MCOLN3: variants seen among roughly 807,000 people sequenced by gnomAD.
The protein encoded by MCOLN3 is mucolipin-3.
In MCOLN3, 62 loss-of-function variants were observed where a neutral mutation model predicts 69.4. The observed-to-expected ratio is 0.89, with a 90% CI of 0.73 to 1.10. The LOEUF is 1.10. Among genes scored for constraint, MCOLN3 ranks in the 50% least tolerant of loss-of-function variants. The pLI is 0.00. For synonymous variants in MCOLN3, 183 were observed against 217.0 expected, an observed-to-expected ratio of 0.84 and a Z score of 1.38; for missense variants, 564 against 656.4, an observed-to-expected ratio of 0.86 and a Z score of 1.54.
chr1:85,021,722 C>T (rs1332246518), intron 11 of MCOLN3, among the ~76,000 whole-genome samples: 1 of 144,480 alleles, frequency 6.9e-6, no homozygotes, highest in Non-Finnish European at 1.6e-5. Context: ...CTACAAGTTT[C>T]CCCCTATGCT....
At chr1:85,025,809 C>G (rs1026044927) in intron 9 of MCOLN3, 130 bp downstream of exon 9, 28 of 943,380 alleles carry the variant, frequency 3.0e-5, no homozygotes, top group Non-Finnish European at 4.1e-5. Context: ...TTACCATTAC[C>G]AATTTCAAGT....
Position 85,025,974 on chromosome 1 carries a change from T to C in MCOLN3, c.1060A>G (p.Ile354Val), listed in dbSNP as rs1381989563. ...MIIISDILTI[I>V]GSILKMEIQA... ...ATTTCCATTTTTAGAATTGATCCAATGATTGTCAATATGTCACTAATAATA... is the reference window on the plus strand; with the variant it reads ...ATTTCCATTTTTAGAATTGATCCAACGATTGTCAATATGTCACTAATAATA... The change falls in exon 9 of 13, where the codon ATT (isoleucine) becomes GTT (valine). Residue 354 changes from isoleucine to valine, a missense_variant. Transcript: ENST00000370589. The C allele has an allele frequency of 1.2e-5, 19 of 1,599,460 alleles. No individual in the cohort carries two copies. Among genetic ancestry groups the C allele is most frequent in the Non-Finnish European group, 1.6e-5 (19 of 1,172,728 alleles).
At chr1:85,046,726 T>C (rs1358660922) in intron 1 of MCOLN3, among the ~76,000 whole-genome samples, 1 of 152,300 alleles carries the variant, frequency 6.6e-6, no homozygotes, top group East Asian at 1.9e-4. Flanking sequence ...AAGAATAGCA[T>C]GGGGAAGGTT....
chr1:85,047,775 G>T (rs1354371554), intron 1 of MCOLN3, among the ~76,000 whole-genome samples: 1 of 152,176 alleles, frequency 6.6e-6, no homozygotes, highest in East Asian at 1.9e-4. Context: ...AAACAACAAG[G>T]GTTGACACTT....
In MCOLN3 at chr1:85,018,949, G is replaced by A; in HGVS notation, c.*174C>T. The A allele has an allele frequency of 7.3e-6, 4 of 548,502 alleles. No individual in the cohort carries two copies. The South Asian group carries it at 1.3e-4, about 18-fold the overall frequency. The allele number at this position is 548,502 out of a possible 1,614,324, so 34.0% of individuals were successfully genotyped here. A position where few individuals can be genotyped will look rare whatever the true frequency, so the allele number is the denominator to read the frequency against. On this transcript the variant is annotated 3_prime_UTR_variant, in exon 13 of 13. Transcript: ENST00000370589. ...TTAAAAACAATCCCAGCATAAAGTT[G>A]CAAAGACATTAAATATTGCTTTTAA...
intron 3 of MCOLN3, among the ~76,000 whole-genome samples, chr1:85,035,141 C>G (rs1182923068): frequency 1.3e-5 from 2 of 152,194 alleles, no homozygotes; most frequent in African/African-American, 4.8e-5. Flanking sequence ...GTATTTGATG[C>G]AGTTGAATGC....
intron 3 of MCOLN3, among the ~76,000 whole-genome samples, chr1:85,037,249 A>G (rs940667957): frequency 3.3e-5 from 5 of 152,228 alleles, no homozygotes; most frequent in African/African-American, 1.2e-4. Flanking sequence ...AATGCTGGAG[A>G]TACTCAGTTT....
At position 85,034,233 on chromosome 1, in the gene MCOLN3, C is replaced by CATTGTAT; in HGVS notation, c.408_414dup (p.Val139IlefsTer11). On this transcript the variant is annotated frameshift_variant, in exon 4 of 13. Transcript: ENST00000370589. LOFTEE classifies it high-confidence loss of function. The stretch of plus-strand genomic sequence containing the variant: ...TCATAAGCATGATTCCCAACGGAGA[C>CATTGTAT]ATTGTATAGCTGCAAGTACTTCAAC... 2 of 1,614,116 alleles carry CATTGTAT rather than the reference C, an allele frequency of 1.2e-6. No homozygotes were observed. The highest frequency in any genetic ancestry group is 1.7e-6 in the Non-Finnish European group (2 of 1,180,004).
chr1:85,027,397 A>G (rs767411675), intron 7 of MCOLN3, among the ~76,000 whole-genome samples: 5 of 152,234 alleles, frequency 3.3e-5, no homozygotes, highest in Non-Finnish European at 7.3e-5. Flanking sequence ...CCCACTTTGC[A>G]GGCGAGAAAC....
At chr1:85,022,017 T>C in intron 11 of MCOLN3, 53 bp downstream of exon 11, 1 of 1,570,120 alleles carries the variant, frequency 6.4e-7, no homozygotes, top group South Asian at 1.2e-5. Context: ...AACAAGCCAC[T>C]GGCACTATGC....
chr1:85,037,348 A>G (rs1185136264), intron 3 of MCOLN3, among the ~76,000 whole-genome samples: 1 of 152,184 alleles, frequency 6.6e-6, no homozygotes, highest in Non-Finnish European at 1.5e-5. Context: ...GGGAAAGGCA[A>G]GCAGGGGTCA....
intron 2 of MCOLN3, among the ~76,000 whole-genome samples, chr1:85,044,905 A>G (rs1481573471): frequency 6.6e-6 from 1 of 152,220 alleles, no homozygotes; most frequent in Non-Finnish European, 1.5e-5. Context: ...AGATTATGTG[A>G]CTAAAATTAT....
In MCOLN3 at chr1:85,026,098, A is replaced by G; in HGVS notation, c.946-10T>C. On this transcript the variant is annotated splice_polypyrimidine_tract_variant and intron_variant, in intron 8 of 12. Transcript: ENST00000370589. ...AAAAATTGACAAACTCCTTTAGGGA[A>G]AAGAGGGGAGGCACAGTGAATGTCT... 1 of 1,609,480 alleles carries G rather than the reference A, an allele frequency of 6.2e-7. No individual in the cohort carries two copies. Among genetic ancestry groups the G allele is most frequent in the South Asian group, 1.1e-5 (1 of 90,260 alleles).
chr1:85,043,642 A>G (rs1653190831), intron 2 of MCOLN3, among the ~76,000 whole-genome samples: 1 of 152,204 alleles, frequency 6.6e-6, no homozygotes, highest in South Asian at 2.1e-4. Context: ...TTCATGTTCA[A>G]TTGATACAGG....
At chr1:85,019,371 C>T (rs1182496162) in intron 12 of MCOLN3, 114 bp from the exon 13 acceptor site, 11 of 1,006,342 alleles carry the variant, frequency 1.1e-5, no homozygotes, top group Non-Finnish European at 1.6e-5. Context: ...GAGATAGTAT[C>T]GTTACTCCTG....
chr1:85,022,658 G>T, intron 9 of MCOLN3: 1 of 305,924 alleles, frequency 3.3e-6, no homozygotes, highest in Non-Finnish European at 6.1e-6. Context: ...TAAGGAATGG[G>T]TATGGGTTTG....
intron 9 of MCOLN3, chr1:85,023,166 G>C (rs1056817593): frequency 6.9e-6 from 1 of 144,544 alleles, no homozygotes; most frequent in African/African-American, 2.6e-5. Flanking sequence ...ATGCAGCCTC[G>C]ACTTCCTGTG....
At chr1:85,030,026 C>T (rs956465630) in intron 6 of MCOLN3, 1 of 152,178 alleles carries the variant, frequency 6.6e-6, no homozygotes, top group Non-Finnish European at 1.5e-5. Flanking sequence ...TTTCAAATGA[C>T]TTTTAAAAGT....
intron 6 of MCOLN3, 180 bp from the exon 7 acceptor site, chr1:85,029,385 G>A (rs758107020): frequency 4.6e-5 from 26 of 561,208 alleles, no homozygotes; most frequent in Non-Finnish European, 3.2e-5. Context: ...AAATGAGAAC[G>A]ATGAACTAGA....
Sources: allele counts gnomAD v4.1 joint callset (sites outside exome capture counted in the v4.1 genomes callset), GRCh38; gene constraint gnomAD v4.1.1; transcripts MANE v1.5; gene names NCBI Gene and HGNC (gene_info 2026-07-23, HGNC 2026-07-21).